KLHL13: variants seen among roughly 807,000 people sequenced by gnomAD.
KLHL13 encodes the protein kelch-like protein 13.
A neutral mutation model predicts 37.1 loss-of-function variants in KLHL13; 10 were observed. The ratio of observed to expected loss-of-function variants is 0.27; its 90% CI spans 0.17 to 0.46. The LOEUF is 0.46. KLHL13 is among the 20% of genes least tolerant of loss of function. The pLI is 1.00. For synonymous variants in KLHL13, 163 were observed against 181.2 expected (o/e 0.90, Z 0.81); for missense variants, 360 against 509.3 (o/e 0.71, Z 2.82).
At chrX:117,944,942 C>T (rs1295167956) in intron 2 of KLHL13, among the ~76,000 whole-genome samples, 1 of 111,951 alleles carries the variant, frequency 8.9e-6, no homozygotes, top group African/African-American at 3.2e-5. Flanking sequence ...CCCACAGTTA[C>T]TACTACCAAT....
intron 2 of KLHL13, among the ~76,000 whole-genome samples, chrX:117,945,078 T>C (rs1933254074): frequency 9.0e-6 from 1 of 111,419 alleles, no homozygotes; most frequent in African/African-American, 3.3e-5. Context: ...TTGATTGCTA[T>C]GGAATGAAAT....
At chrX:117,941,847 G>A (rs1569421728) in intron 2 of KLHL13, among the ~76,000 whole-genome samples, 1 of 111,430 alleles carries the variant, frequency 9.0e-6, no homozygotes, top group Non-Finnish European at 1.9e-5. Flanking sequence ...GTTCTACTCT[G>A]ATCTTAGTTA....
intron 1 of KLHL13, among the ~76,000 whole-genome samples, chrX:118,097,744 G>A (rs1487363204): frequency 9.0e-6 from 1 of 111,175 alleles, no homozygotes; most frequent in South Asian, 3.8e-4. Flanking sequence ...TAGACCAATG[G>A]AACAGAACAG....
exon 1 of KLHL13, chrX:117,973,051 T>A: frequency 1.9e-6 from 2 of 1,038,262 alleles, no homozygotes; most frequent in South Asian, 5.7e-5. Flanking sequence ...GATTCAATCA[T>A]TCCAACTCAA....
At chrX:118,044,082 A>G (rs2148060619) in intron 1 of KLHL13, among the ~76,000 whole-genome samples, 2 of 112,275 alleles carry the variant, frequency 1.8e-5, no homozygotes, top group South Asian at 7.3e-4. Flanking sequence ...TAGCATTTCT[A>G]TATGTCAAAA....
intron 5 of KLHL13, among the ~76,000 whole-genome samples, chrX:117,905,778 C>G (rs1930476488): frequency 9.0e-6 from 1 of 110,681 alleles, no homozygotes; most frequent in Admixed American, 9.6e-5. Context: ...AGTATCCATC[C>G]TTTCAGGCAT....
chrX:117,905,406 C>T (rs920678545), intron 5 of KLHL13, among the ~76,000 whole-genome samples: 4 of 111,339 alleles, frequency 3.6e-5, no homozygotes, highest in Admixed American at 9.6e-5. Context: ...TACTCTAAGC[C>T]TCCCCTAGTT....
chrX:118,050,552 C>G (rs1050802093), intron 1 of KLHL13, among the ~76,000 whole-genome samples: 2 of 111,719 alleles, frequency 1.8e-5, no homozygotes, highest in Non-Finnish European at 3.8e-5. Flanking sequence ...AAAATCCTCA[C>G]CCTAAATTGT....
At chrX:118,028,602 G>GA (rs1250838360) in intron 1 of KLHL13, 105 bp from the exon 2 acceptor site, 29 of 404,708 alleles carry the variant, frequency 7.2e-5, no homozygotes, top group Non-Finnish European at 1.2e-4. Flanking sequence ...TGAATTAAAG[G>GA]AAAAATGTAT....
At chrX:117,956,461 G>C (rs1383240546) in intron 1 of KLHL13, among the ~76,000 whole-genome samples, 1 of 111,413 alleles carries the variant, frequency 9.0e-6, no homozygotes, top group Non-Finnish European at 1.9e-5. Context: ...TAGGCATCAA[G>C]CATTCAAATC....
At chrX:118,000,453 T>C in intron 1 of KLHL13, among the ~76,000 whole-genome samples, 1 of 109,418 alleles carries the variant, frequency 9.1e-6, no homozygotes, top group African/African-American at 3.5e-5. Context: ...AGAGGAAAAT[T>C]ATTATTGGCT....
At chrX:117,905,505 GCACACACACACA>G (rs34703680) in intron 5 of KLHL13, among the ~76,000 whole-genome samples, 2 of 103,260 alleles carry the variant, frequency 1.9e-5, no homozygotes, top group Admixed American at 1.0e-4. Context: ...GCTAGTGCGT[GCACACACACACA>G]CACACACACA....
exon 7 of KLHL13, chrX:117,898,688 G>T: frequency 5.4e-6 from 2 of 370,828 alleles, no homozygotes; most frequent in South Asian, 1.4e-4. Flanking sequence ...TTAAACATCA[G>T]CTTCTATGGG....
intron 2 of KLHL13, among the ~76,000 whole-genome samples, chrX:117,942,096 A>G (rs1933068568): frequency 8.9e-6 from 1 of 111,815 alleles, no homozygotes; most frequent in African/African-American, 3.3e-5. Context: ...TATACCCAGT[A>G]GTCATTCAGG....
At chrX:117,931,481 T>C (rs2147750468) in intron 2 of KLHL13, among the ~76,000 whole-genome samples, 1 of 111,733 alleles carries the variant, frequency 8.9e-6, no homozygotes, top group African/African-American at 3.3e-5. Flanking sequence ...TTTTTCTCCC[T>C]GATTTTTTTT....
At chrX:117,963,547 T>C (rs181755692) in intron 1 of KLHL13, among the ~76,000 whole-genome samples, 17 of 108,326 alleles carry the variant, frequency 1.6e-4, no homozygotes, top group Non-Finnish European at 2.9e-4. Flanking sequence ...TGTGTCTTTA[T>C]AGCAGCATGA....
rs1336192251 is a variant in KLHL13 at position 117,952,539 on chromosome X, A to C, written c.99-6964T>G. Among the ~76,000 whole-genome samples, 96 of 106,679 alleles carry C rather than the reference A, an allele frequency of 9.0e-4. 2 individuals are homozygous for C. The highest frequency in any genetic ancestry group is 3.1e-3 in the African/African-American group (90 of 29,152). 92.6% of individuals were successfully genotyped at this position (106,679 alleles called of 115,157 possible). A position where few individuals can be genotyped will look rare whatever the true frequency, so the allele number is the denominator to read the frequency against. On this transcript the variant is annotated intron_variant, in intron 1 of 6. Coordinates refer to ENST00000262820, the Ensembl canonical transcript of KLHL13. ...ACACCAAAAGCAATGGCAACAAAAG[A>C]CAAAATTGACAAATGGGATCTAATT...
intron 1 of KLHL13, among the ~76,000 whole-genome samples, chrX:118,002,045 C>T (rs972996795): frequency 9.0e-6 from 1 of 110,925 alleles, no homozygotes; most frequent in Non-Finnish European, 1.9e-5. Context: ...GAATCAAGTG[C>T]GGTAACAGTT....
At chrX:118,034,538 A>T (rs1206730131) in intron 1 of KLHL13, among the ~76,000 whole-genome samples, 6 of 90,333 alleles carry the variant, frequency 6.6e-5, no homozygotes, top group Admixed American at 2.5e-4. Context: ...GTTCTTTGAA[A>T]CCAACGAGAA....
Sources: gnomAD v4.1 joint callset for allele counts (sites outside exome capture counted in the v4.1 genomes callset) on GRCh38, gnomAD v4.1.1 for gene constraint, MANE v1.5 for transcripts, NCBI Gene and HGNC (gene_info 2026-07-23, HGNC 2026-07-21) for gene names.